The following MCF2L variants were observed in gnomAD, a reference collection of about 807,000 sequenced individuals.
The protein encoded by MCF2L is guanine nucleotide exchange factor DBS.
In MCF2L, 97 loss-of-function variants were observed where a neutral mutation model predicts 153.4. That is an observed-to-expected ratio of 0.63 (90% CI 0.54 to 0.75). The LOEUF is 0.75. MCF2L is among the 30% of genes least tolerant of loss of function. The probability of loss-of-function intolerance (pLI) is 0.00; values close to 1 mark genes in which losing one functional copy is unlikely to be tolerated. For missense variants in MCF2L, 1,347 were observed against 1,495.2 expected, an observed-to-expected ratio of 0.90 and a Z score of 1.64; for synonymous variants, 659 against 632.2, an observed-to-expected ratio of 1.04 and a Z score of -0.64.
At chr13:112,922,975 G>A (rs907226056) in intron 2 of MCF2L, among the ~76,000 whole-genome samples, 8 of 152,302 alleles carry the variant, frequency 5.3e-5, no homozygotes, top group East Asian at 1.9e-4. Flanking sequence ...CGACAAATGC[G>A]GTGCCTCTTT....
intron 2 of MCF2L, 127 bp from the exon 3 acceptor site, chr13:113,024,517 G>A: frequency 4.9e-6 from 3 of 611,054 alleles, no homozygotes; most frequent in Admixed American, 5.2e-5. Context: ...TAAAAATTAT[G>A]CAACGATGAA....
At chr13:113,002,236 G>A (rs936891814) in intron 1 of MCF2L, among the ~76,000 whole-genome samples, 9 of 152,230 alleles carry the variant, frequency 5.9e-5, no homozygotes, top group African/African-American at 2.2e-4. Flanking sequence ...ATGGCCCTGG[G>A]GTCCCTGGTG....
In MCF2L at chr13:113,046,633, C is replaced by T. The variant is rs2086833934; in HGVS notation, c.369+1272C>T. 1.9e-6 allele frequency: 1 copy of T among 533,312 alleles called. No individual in the cohort carries two copies. The highest frequency in any genetic ancestry group is 1.9e-5 in the Admixed American group (1 of 51,580). 33.0% of individuals were successfully genotyped at this position (533,312 alleles called of 1,614,324 possible). A position where few individuals can be genotyped will look rare whatever the true frequency, so the allele number is the denominator to read the frequency against. ...CCCATATCTGCTCCGATGCCCACAA[C>T]CTTCATCGTTTTGGTGCAAGCCTGT... On this transcript the variant is annotated intron_variant, in intron 4 of 29. Transcript: ENST00000535094. The surrounding 1 kb of genome is among the most constrained non-coding windows in gnomAD (Gnocchi z 4.4).
In MCF2L at chr13:113,057,496, CGCTGAGTGTTTGGGT is replaced by C. The variant is rs1232232074; in HGVS notation, c.370-3070_370-3056del. Among the ~76,000 whole-genome samples, 236 of 85,878 alleles carry C rather than the reference CGCTGAGTGTTTGGGT, an allele frequency of 2.7e-3. 1 individual carries two copies. Among genetic ancestry groups the C allele is most frequent in the African/African-American group, 8.0e-3 (171 of 21,390 alleles). 56.3% of individuals were successfully genotyped at this position (85,878 alleles called of 152,430 possible). A position where few individuals can be genotyped will look rare whatever the true frequency, so the allele number is the denominator to read the frequency against. ...TGCTGAGTGTTGGGTGCTGAGTGGGCGCTGAGTGTTTGGGTGCTGAGTGTTTGGGTGCTGAGTGTT... is the reference window on the plus strand; with the variant it reads ...TGCTGAGTGTTGGGTGCTGAGTGGGCGCTGAGTGTTTGGGTGCTGAGTGTT... On this transcript the variant is annotated intron_variant, in intron 4 of 29. Coordinates refer to ENST00000535094, the MANE Select transcript of MCF2L (RefSeq NM_001112732.3).
chr13:113,065,170 G>A, intron 7 of MCF2L, 85 bp downstream of exon 7: 6 of 1,535,648 alleles, frequency 3.9e-6, no homozygotes, highest in Non-Finnish European at 5.4e-6. Context: ...AAGCTGCGGG[G>A]GGTCTTTCGT....
Position 113,064,713 on chromosome 13 carries a change from C to T in MCF2L, c.607-223C>T, listed in dbSNP as rs986206506. ...TCAACGGGGAGAGGCAGCGCAGGCA[C>T]AGGCGACTCTAGGTGACGGGCACAC... On this transcript the variant is annotated intron_variant, in intron 6 of 29. Coordinates refer to ENST00000535094, the MANE Select transcript of MCF2L (RefSeq NM_001112732.3). The surrounding 1 kb of genome is among the most constrained non-coding windows in gnomAD (Gnocchi z 6.0). The T allele has an allele frequency of 3.8e-5, 23 of 600,162 alleles. No individual in the cohort carries two copies. The highest frequency in any genetic ancestry group is 1.1e-4 in the African/African-American group (6 of 53,662). The allele number at this position is 600,162 out of a possible 1,614,324, so 37.2% of individuals were successfully genotyped here. A position where few individuals can be genotyped will look rare whatever the true frequency, so the allele number is the denominator to read the frequency against.
At chr13:113,052,859 AC>A (rs2087450968) in intron 4 of MCF2L, 1 of 152,170 alleles carries the variant, frequency 6.6e-6, no homozygotes, top group Non-Finnish European at 1.5e-5. Context: ...TCACATAGAC[AC>A]ATACACAGAC....
At chr13:112,966,739 G>A (rs139679524), upstream of MCF2L, among the ~76,000 whole-genome samples, 38 of 152,348 alleles carry the variant, frequency 2.5e-4, 1 homozygote, top group East Asian at 6.6e-3. This position sits in a 1 kb window ranked among gnomAD's most constrained non-coding sequence, Gnocchi z 4.1. Flanking sequence ...GAGGGAGATC[G>A]GAGAAGCGGG....
intron 2 of MCF2L, among the ~76,000 whole-genome samples, chr13:112,914,036 C>T (rs899071828): frequency 2.6e-5 from 4 of 152,210 alleles, no homozygotes; most frequent in South Asian, 2.1e-4. Context: ...CCCTTCTCCC[C>T]CTGTGAGCCA....
rs145902210 is a variant in MCF2L, at chr13:113,089,412, G to A, written c.2835-198G>A. ...GTCCGGGTTTAACTTAGAAGTGTGT[G>A]GCCCCTCAGAAGCAGGAGGGTGGGC... On this transcript the variant is annotated intron_variant, in intron 25 of 29. Coordinates refer to ENST00000535094, the MANE Select transcript of MCF2L (RefSeq NM_001112732.3). Among the ~76,000 whole-genome samples the A allele has an allele frequency of 2.0e-3, 258 of 127,254 alleles. 4 individuals carry two copies. The highest frequency in any genetic ancestry group is 7.6e-3 in the African/African-American group (246 of 32,544). The allele number at this position is 127,254 out of a possible 152,430, so 83.5% of individuals were successfully genotyped here.
At chr13:112,918,767 C>T (rs747397984) in intron 2 of MCF2L, among the ~76,000 whole-genome samples, 1 of 152,208 alleles carries the variant, frequency 6.6e-6, no homozygotes, top group Non-Finnish European at 1.5e-5. Flanking sequence ...CATTTTAATT[C>T]ACTGAGCAAA....
intron 2 of MCF2L, among the ~76,000 whole-genome samples, chr13:112,942,802 A>G (rs991150627): frequency 2.6e-5 from 4 of 152,112 alleles, no homozygotes; most frequent in Admixed American, 6.5e-5. Context: ...CTGCTCCCCT[A>G]TTGTGGGTGA....
At position 113,033,640 on chromosome 13, in the gene MCF2L, C is replaced by A. The variant is rs560867111; in HGVS notation, c.278+8882C>A. The stretch of plus-strand genomic sequence containing the variant: ...TGCTCCAGCTGGGTGATTTCCCCCC[C>A]CCACCCCAACGGAGTTGGCAGTTTC... On this transcript the variant is annotated intron_variant, in intron 3 of 29. Transcript: ENST00000535094. Among the ~76,000 whole-genome samples, 203 of 152,248 alleles carry A rather than the reference C, an allele frequency of 1.3e-3. 1 individual carries two copies. The highest frequency in any genetic ancestry group is 0.01 in the Middle Eastern group (3 of 294).
At chr13:112,900,098 G>C (rs948761405) in intron 1 of MCF2L, among the ~76,000 whole-genome samples, 2 of 152,142 alleles carry the variant, frequency 1.3e-5, no homozygotes, top group African/African-American at 4.8e-5. Context: ...TTCAGATCAC[G>C]ATCAGCCAGC....
chr13:113,079,370 A>G (rs111747591), intron 15 of MCF2L, among the ~76,000 whole-genome samples: 33 of 151,408 alleles, frequency 2.2e-4, no homozygotes, highest in Admixed American at 7.2e-4. Flanking sequence ...TCCCTCCCAG[A>G]GGCCCTCGAG....
intron 2 of MCF2L, among the ~76,000 whole-genome samples, chr13:112,927,942 A>T (rs994991198): frequency 4.6e-5 from 7 of 152,266 alleles, no homozygotes; most frequent in African/African-American, 1.7e-4. Context: ...TATGGACTGG[A>T]TAAGATTTTG....
In MCF2L at chr13:113,064,430, G is replaced by C. The variant is rs760609614; in HGVS notation, c.606+10G>C. 4 of 1,587,068 alleles carry C rather than the reference G, an allele frequency of 2.5e-6. No homozygotes were observed. The highest frequency in any genetic ancestry group is 3.5e-6 in the Non-Finnish European group (4 of 1,158,236). The stretch of plus-strand genomic sequence containing the variant: ...GCTGTGCCAGCGCACGGTGAGCCGC[G>C]TCGGGGCCAGCGGGGCTGGCTGATA... On this transcript the variant is annotated intron_variant, in intron 6 of 29. Transcript: ENST00000535094. This position sits in a 1 kb window ranked among gnomAD's most constrained non-coding sequence, Gnocchi z 6.0.
At position 113,027,220 on chromosome 13, in the gene MCF2L, G is replaced by C. The variant is rs2085368302; in HGVS notation, c.278+2462G>C. Among the ~76,000 whole-genome samples the C allele has an allele frequency of 6.6e-6, 1 of 152,184 alleles. No individual in the cohort carries two copies. The highest frequency in any genetic ancestry group is 2.4e-5 in the African/African-American group (1 of 41,446). ...ACAGCGCACTGGGCCTGGTAACTGAGAGCTCAGCCCGTCGGCCTGACCTGG... is the reference window on the plus strand; with the variant it reads ...ACAGCGCACTGGGCCTGGTAACTGACAGCTCAGCCCGTCGGCCTGACCTGG... On this transcript the variant is annotated intron_variant, in intron 3 of 29. Coordinates refer to ENST00000535094, the MANE Select transcript of MCF2L (RefSeq NM_001112732.3). The surrounding 1 kb of genome is among the most constrained non-coding windows in gnomAD (Gnocchi z 4.8).
chr13:112,990,131 G>A (rs1023130907), intron 1 of MCF2L, among the ~76,000 whole-genome samples: 5 of 152,176 alleles, frequency 3.3e-5, no homozygotes, highest in African/African-American at 7.2e-5. Context: ...GACCAGTACC[G>A]GTCTGTGGCT....
Sources: allele counts gnomAD v4.1 joint callset (sites outside exome capture counted in the v4.1 genomes callset), GRCh38; gene constraint gnomAD v4.1.1; non-coding constraint Gnocchi (gnomAD v3.1); transcripts MANE v1.5; gene names NCBI Gene and HGNC (gene_info 2026-07-23, HGNC 2026-07-21).